HMGB1: variants seen among roughly 807,000 people sequenced by gnomAD.
HMGB1 encodes the protein high mobility group box 1.
For synonymous variants in HMGB1, 81 were observed against 84.0 expected (o/e 0.96, Z 0.19); for missense variants, 79 against 253.5 (o/e 0.31, Z 4.67).
intron 1 of HMGB1, chr13:30,464,194 G>A: frequency 3.0e-6 from 3 of 985,160 alleles, no homozygotes; most frequent in Non-Finnish European, 3.6e-6. Flanking sequence ...CACCCTCTTT[G>A]CATAAAACTT....
chr13:30,466,603 G>A (rs981722670), upstream of HMGB1, among the ~76,000 whole-genome samples: 2 of 152,224 alleles, frequency 1.3e-5, no homozygotes, highest in Non-Finnish European at 2.9e-5. Context: ...CTGAGCAGCT[G>A]AAATCTTGAG....
chr13:30,610,469 G>C (rs993593982), intron 1 of HMGB1, among the ~76,000 whole-genome samples: 6 of 152,114 alleles, frequency 3.9e-5, no homozygotes, highest in Non-Finnish European at 8.8e-5. Context: ...CTGCTGTGAG[G>C]GCATATTAAC....
At chr13:30,524,083 C>T (rs946069679) in intron 1 of HMGB1, among the ~76,000 whole-genome samples, 12 of 151,958 alleles carry the variant, frequency 7.9e-5, no homozygotes, top group African/African-American at 2.9e-4. Flanking sequence ...CAAACTAACA[C>T]AGGAACAGAA....
At chr13:30,483,096 T>C (rs890385067) in intron 1 of HMGB1, among the ~76,000 whole-genome samples, 2 of 152,094 alleles carry the variant, frequency 1.3e-5, no homozygotes, top group Admixed American at 1.3e-4. Context: ...GCTGGTCCTT[T>C]ACCAATTATT....
At chr13:30,480,193 A>C (rs1467717) in intron 1 of HMGB1, among the ~76,000 whole-genome samples, 50,130 of 152,172 alleles carry the variant, frequency 0.33, 8,588 homozygotes, top group East Asian at 0.52. Flanking sequence ...AGAAGTTCAT[A>C]AACTCCTTCA....
chr13:30,610,777 A>C (rs1448635741), intron 1 of HMGB1, among the ~76,000 whole-genome samples: 3 of 152,116 alleles, frequency 2.0e-5, no homozygotes, highest in South Asian at 4.1e-4. Flanking sequence ...TATATTGCTT[A>C]GCAAAACAGA....
chr13:30,467,675 ATATT>A (rs761442969), upstream of HMGB1, among the ~76,000 whole-genome samples: 12 of 152,180 alleles, frequency 7.9e-5, no homozygotes, highest in Non-Finnish European at 1.8e-4. Flanking sequence ...TTAAATCTAG[ATATT>A]TATTTCAATA....
chr13:30,519,873 TTAAAC>T (rs1004837828), intron 1 of HMGB1, among the ~76,000 whole-genome samples: 1 of 152,232 alleles, frequency 6.6e-6, no homozygotes, highest in East Asian at 1.9e-4. Context: ...GTTCCTTTAA[TTAAAC>T]TAAACTATGA....
chr13:30,475,675 G>T (rs924971797), intron 1 of HMGB1, among the ~76,000 whole-genome samples: 1 of 152,096 alleles, frequency 6.6e-6, no homozygotes, highest in African/African-American at 2.4e-5. Context: ...ACTCCATCCA[G>T]CCTGGGCAAC....
At chr13:30,577,820 C>T (rs949428458) in intron 1 of HMGB1, among the ~76,000 whole-genome samples, 2 of 152,332 alleles carry the variant, frequency 1.3e-5, no homozygotes, top group East Asian at 3.9e-4. Context: ...CTACTATTAT[C>T]TCATCCGTTA....
intron 1 of HMGB1, among the ~76,000 whole-genome samples, chr13:30,526,307 T>G (rs1888365933): frequency 6.6e-6 from 1 of 152,224 alleles, no homozygotes; most frequent in Admixed American, 6.5e-5. Context: ...TGCGCCTGCC[T>G]CGGCCTCCCA....
At position 30,538,615 on chromosome 13, in the gene HMGB1, TTC is replaced by T. The variant is rs397838149; in HGVS notation, c.-14-74923_-14-74922del. 3.8e-3 allele frequency among the ~76,000 whole-genome samples: 466 copies of T among 123,152 alleles called. 27 individuals carry two copies. The East Asian group carries it at 0.061, about 16-fold the overall frequency. The allele number at this position is 123,152 out of a possible 152,430, so 80.8% of individuals were successfully genotyped here. A position where few individuals can be genotyped will look rare whatever the true frequency, so the allele number is the denominator to read the frequency against. On this transcript the variant is annotated intron_variant, in intron 1 of 4. Coordinates refer to the HMGB1 transcript ENST00000405805. ...CTTTCTTCTTTTTCTTTCTTTCTCT[TTC>T]TCTCTCTCTTTCTTTTTCTTTCTTC...
At chr13:30,588,788 G>T (rs141838411) in intron 1 of HMGB1, among the ~76,000 whole-genome samples, 1 of 151,688 alleles carries the variant, frequency 6.6e-6, no homozygotes, top group Non-Finnish European at 1.5e-5. Context: ...ATGATGGCTC[G>T]TGCCTGTAGT....
At chr13:30,544,560 T>C (rs917311543) in intron 1 of HMGB1, among the ~76,000 whole-genome samples, 1 of 152,194 alleles carries the variant, frequency 6.6e-6, no homozygotes, top group Non-Finnish European at 1.5e-5. Context: ...TCGCAGAGCT[T>C]CCAGACAGCT....
At chr13:30,562,551 G>C (rs1408980984) in intron 1 of HMGB1, among the ~76,000 whole-genome samples, 2 of 152,056 alleles carry the variant, frequency 1.3e-5, no homozygotes, top group Admixed American at 6.6e-5. Context: ...TTGTTATACA[G>C]AAGTTTATAT....
chr13:30,563,103 A>G (rs1870033403), intron 1 of HMGB1, among the ~76,000 whole-genome samples: 1 of 152,262 alleles, frequency 6.6e-6, no homozygotes, highest in Admixed American at 6.5e-5. Flanking sequence ...AGCAGGAATT[A>G]CAACCAGTAA....
intron 1 of HMGB1, among the ~76,000 whole-genome samples, chr13:30,475,476 G>T (rs1236423764): frequency 1.3e-5 from 2 of 150,234 alleles, no homozygotes; most frequent in Non-Finnish European, 3.0e-5. Flanking sequence ...GCCTCCCAAA[G>T]TGCTGGGATT....
intron 1 of HMGB1, among the ~76,000 whole-genome samples, chr13:30,506,894 G>T (rs1035523566): frequency 6.6e-6 from 1 of 152,120 alleles, no homozygotes; most frequent in African/African-American, 2.4e-5. Context: ...TTCTCATGGT[G>T]CTCACTCCGA....
chr13:30,616,103 A>C (rs1191090445), intron 1 of HMGB1, among the ~76,000 whole-genome samples: 1 of 152,224 alleles, frequency 6.6e-6, no homozygotes, highest in Non-Finnish European at 1.5e-5. Flanking sequence ...AATATAAACG[A>C]AAGGGGTTTT....
Sources: gnomAD v4.1 joint callset for allele counts (sites outside exome capture counted in the v4.1 genomes callset) on GRCh38, gnomAD v4.1.1 for gene constraint, MANE v1.5 for transcripts, NCBI Gene and HGNC (gene_info 2026-07-23, HGNC 2026-07-21) for gene names.